Variants in RFX2 observed in about 807,000 individuals in gnomAD.
The protein encoded by RFX2 is regulatory factor X2, also known as DNA-binding protein RFX2.
In RFX2, 20 loss-of-function variants were observed where a neutral mutation model predicts 87.8. That is an observed-to-expected ratio of 0.23 (90% confidence interval 0.16 to 0.33). RFX2 has a LOEUF of 0.33. Ranked by LOEUF, RFX2 falls within the 10% of genes least tolerant of loss-of-function variation. The probability of loss-of-function intolerance (pLI) is 1.00; values close to 1 mark genes in which losing one functional copy is unlikely to be tolerated. For synonymous variants in RFX2, 397 were observed against 431.3 expected (o/e 0.92, Z 0.98); for missense variants, 767 against 1,012.3 (o/e 0.76, Z 3.29).
In RFX2 at chr19:6,074,275, C is replaced by T. The variant is rs2087653448; in HGVS notation, c.-8-26771G>A. On this transcript the variant is annotated intron_variant, in intron 1 of 17. Transcript: ENST00000303657. This position sits in a 1 kb window ranked among gnomAD's most constrained non-coding sequence, Gnocchi z 5.2. ...TGGAACATCAGGCGGGGTACAGATGCCACAGTGTGGAGGAAGCTCCTCCTC... is the reference window on the plus strand; with the variant it reads ...TGGAACATCAGGCGGGGTACAGATGTCACAGTGTGGAGGAAGCTCCTCCTC... 6.6e-6 allele frequency among the ~76,000 whole-genome samples: 1 copy of T among 152,158 alleles called. No homozygotes were observed. Among genetic ancestry groups the T allele is most frequent in the Non-Finnish European group, 1.5e-5 (1 of 68,034 alleles).
In RFX2 at chr19:6,110,040, T is replaced by C. The variant is rs2144927705; in HGVS notation, c.-9+353A>G. On this transcript the variant is annotated intron_variant, in intron 1 of 17. Transcript: ENST00000303657. The surrounding 1 kb of genome is among the most constrained non-coding windows in gnomAD (Gnocchi z 4.3). Reference sequence around the variant, plus strand: ...CCAAGCGCCCCCAATTCAGGGAGTTTGAGGAGTTTGAGAGACGTTCCCGGG... The same window carrying C: ...CCAAGCGCCCCCAATTCAGGGAGTTCGAGGAGTTTGAGAGACGTTCCCGGG... 6.6e-6 allele frequency among the ~76,000 whole-genome samples: 1 copy of C among 150,936 alleles called. No homozygotes were observed. Among genetic ancestry groups the C allele is most frequent in the East Asian group, 2.0e-4 (1 of 5,056 alleles).
Position 6,045,479 on chromosome 19 carries a change from T to C in RFX2, c.91-1197A>G, listed in dbSNP as rs549151570. ...ACAATTTCAAGTGGGCACGGAAACA[T>C]ATCAATTAGGCCACAACTGCTGGCA... On this transcript the variant is annotated intron_variant, in intron 2 of 17. Coordinates refer to ENST00000303657, the MANE Select transcript of RFX2 (RefSeq NM_000635.4). This position sits in a 1 kb window ranked among gnomAD's most constrained non-coding sequence, Gnocchi z 5.2. Among the ~76,000 whole-genome samples, 4 of 152,156 alleles carry C rather than the reference T, an allele frequency of 2.6e-5. No individual in the cohort carries two copies. In the South Asian group the frequency reaches 8.3e-4, roughly 32 times the overall value.
chr19:6,044,153 T>C lies in RFX2; in HGVS notation c.180+40A>G. 7.9e-7 allele frequency: 1 copy of C among 1,259,200 alleles called. No homozygotes were observed. The highest frequency in any genetic ancestry group is 1.1e-6 in the Non-Finnish European group (1 of 952,242). 78.0% of individuals were successfully genotyped at this position (1,259,200 alleles called of 1,614,324 possible). On this transcript the variant is annotated intron_variant, in intron 3 of 17. Coordinates refer to ENST00000303657, the MANE Select transcript of RFX2 (RefSeq NM_000635.4). This position sits in a 1 kb window ranked among gnomAD's most constrained non-coding sequence, Gnocchi z 5.3. ...TTGTTCTGGATTGCTGAGTGCTAAC[T>C]GCGCCCCGGTTTGCACGGTGCTGCG...
At position 6,094,080 on chromosome 19, in the gene RFX2, T is replaced by C. The variant is rs570535965; in HGVS notation, c.-9+16313A>G. 6.6e-5 allele frequency among the ~76,000 whole-genome samples: 10 copies of C among 152,246 alleles called. 1 individual carries two copies. Among genetic ancestry groups the C allele is most frequent in the Non-Finnish European group, 1.2e-4 (8 of 68,024 alleles). On this transcript the variant is annotated intron_variant, in intron 1 of 17. Coordinates refer to ENST00000303657, the MANE Select transcript of RFX2 (RefSeq NM_000635.4). ...TTGTACACATTAAGAGCCTGAATTCTGCGGCATGTGAATTACATCCCAATG... is the reference window on the plus strand; with the variant it reads ...TTGTACACATTAAGAGCCTGAATTCCGCGGCATGTGAATTACATCCCAATG...
chr19:6,020,439 C>T lies in RFX2; in HGVS notation c.598-4168G>A, dbSNP rs2086796035. 6.6e-6 allele frequency: 1 copy of T among 152,182 alleles called. No homozygotes were observed. The highest frequency in any genetic ancestry group is 1.5e-5 in the Non-Finnish European group (1 of 68,044). The allele number at this position is 152,182 out of a possible 1,614,324, so 9.4% of individuals were successfully genotyped here. A position where few individuals can be genotyped will look rare whatever the true frequency, so the allele number is the denominator to read the frequency against. On this transcript the variant is annotated intron_variant, in intron 6 of 17. Coordinates refer to ENST00000303657, the MANE Select transcript of RFX2 (RefSeq NM_000635.4). This position sits in a 1 kb window ranked among gnomAD's most constrained non-coding sequence, Gnocchi z 5.3. ...CTGGAACAGTCGCGTCTATTTCCTC[C>T]CTCTTCTGTGTTGATGAACTTCTGG... is the stretch of plus-strand genomic sequence containing the variant.
At position 6,101,651 on chromosome 19, in the gene RFX2, G is replaced by A. The variant is rs10423669; in HGVS notation, c.-9+8742C>T. On this transcript the variant is annotated intron_variant, in intron 1 of 17. Transcript: ENST00000303657. This position sits in a 1 kb window ranked among gnomAD's most constrained non-coding sequence, Gnocchi z 4.9. ...TTCAACAGTTTTCCAGGAGACAGGC[G>A]TTCATGAGTCAAGCCTTCTGCCTTT... Among the ~76,000 whole-genome samples the A allele has an allele frequency of 6.0e-3, 908 of 152,306 alleles. 11 individuals are homozygous for A. Among genetic ancestry groups the A allele is most frequent in the African/African-American group, 0.021 (855 of 41,544 alleles).
chr19:6,018,313 G>A (rs1470217120), intron 6 of RFX2, among the ~76,000 whole-genome samples: 1 of 152,130 alleles, frequency 6.6e-6, no homozygotes, highest in African/African-American at 2.4e-5. Context: ...TGGTTCTGAC[G>A]AGCCCTGCAC....
Position 6,002,993 on chromosome 19 carries a change from G to A in RFX2, c.1501-123C>T, listed in dbSNP as rs1023062006. ...GGAGGGAGCAGGAAACAGCAACCTG[G>A]GCAGGGAAGAGGGAACCTCCTGCTA... On this transcript the variant is annotated intron_variant, in intron 13 of 17. Transcript: ENST00000303657. The surrounding 1 kb of genome is among the most constrained non-coding windows in gnomAD (Gnocchi z 6.7). 1.8e-6 allele frequency: 2 copies of A among 1,131,780 alleles called. No homozygotes were observed. The highest frequency in any genetic ancestry group is 3.1e-5 in the African/African-American group (2 of 64,468). 70.1% of individuals were successfully genotyped at this position (1,131,780 alleles called of 1,614,324 possible).
At chr19:6,057,652 C>G (rs746451482) in intron 1 of RFX2, among the ~76,000 whole-genome samples, 1 of 152,184 alleles carries the variant, frequency 6.6e-6, no homozygotes, top group Non-Finnish European at 1.5e-5. Flanking sequence ...GCCATCAGCT[C>G]CTCCTCTCCT....
Position 6,016,123 on chromosome 19 carries a change from AAC to A in RFX2, c.744_745del (p.Phe249TyrfsTer154). 6.2e-7 allele frequency: 1 copy of A among 1,610,816 alleles called. No homozygotes were observed. Among genetic ancestry groups the A allele is most frequent in the South Asian group, 1.1e-5 (1 of 90,580 alleles). ...CAGCCGCCGCGTTCTCAGCCCCATA[AAC>A]ACAGAACGGATCAGTTTCCCGAAGG... On this transcript the variant is annotated frameshift_variant, in exon 7 of 18. Transcript: ENST00000303657. LOFTEE classifies it high-confidence loss of function. This position sits in a 1 kb window ranked among gnomAD's most constrained non-coding sequence, Gnocchi z 5.4.
intron 1 of RFX2, among the ~76,000 whole-genome samples, chr19:6,096,661 T>G (rs1244289826): frequency 6.6e-6 from 1 of 152,218 alleles, no homozygotes; most frequent in Non-Finnish European, 1.5e-5. Context: ...TTAGCCAGGA[T>G]GGTCTCGATC....
At chr19:6,106,138 G>T (rs1017238866) in intron 1 of RFX2, among the ~76,000 whole-genome samples, 17 of 151,936 alleles carry the variant, frequency 1.1e-4, no homozygotes, top group African/African-American at 4.1e-4. Flanking sequence ...TTTTTCCTGG[G>T]AGAATCCTTT....
chr19:6,095,660 A>G (rs1464447935), intron 1 of RFX2, among the ~76,000 whole-genome samples: 1 of 151,956 alleles, frequency 6.6e-6, no homozygotes, highest in Non-Finnish European at 1.5e-5. Context: ...AGCTGGGTGG[A>G]GCTCGGGGAA....
intron 1 of RFX2, among the ~76,000 whole-genome samples, chr19:6,104,174 C>G (rs1288058500): frequency 6.6e-6 from 1 of 152,144 alleles, no homozygotes; most frequent in Admixed American, 6.5e-5. Context: ...TTCCTTTCCT[C>G]TTTCCCCTGC....
rs1380332632 is a variant in RFX2, at chr19:6,013,241, A to G, written c.780-136T>C. ...CATTCTGTCGCCCAGGCTGGAGTAC[A>G]GCAGTGCCATCTCGGCTCACTGCAA... On this transcript the variant is annotated intron_variant, in intron 7 of 17. Transcript: ENST00000303657. This position sits in a 1 kb window ranked among gnomAD's most constrained non-coding sequence, Gnocchi z 4.1. 2.4e-6 allele frequency: 2 copies of G among 841,788 alleles called. No individual in the cohort carries two copies. The highest frequency in any genetic ancestry group is 3.4e-6 in the Non-Finnish European group (2 of 586,440). The allele number at this position is 841,788 out of a possible 1,614,324, so 52.1% of individuals were successfully genotyped here.
Position 6,010,795 on chromosome 19 carries a change from C to T in RFX2, c.900-544G>A, listed in dbSNP as rs2086650193. ...CTTGAGAAAATAGATATATATTTTC[C>T]CCCTAACATTTCTCTCTTAGAAAAA... is the stretch of plus-strand genomic sequence containing the variant. On this transcript the variant is annotated intron_variant, in intron 8 of 17. Transcript: ENST00000303657. The surrounding 1 kb of genome is among the most constrained non-coding windows in gnomAD (Gnocchi z 5.0). Among the ~76,000 whole-genome samples, 1 of 152,098 alleles carries T rather than the reference C, an allele frequency of 6.6e-6. No homozygotes were observed. Among genetic ancestry groups the T allele is most frequent in the East Asian group, 1.9e-4 (1 of 5,200 alleles).
At position 6,013,003 on chromosome 19, in the gene RFX2, G is replaced by A. The variant is rs1395157359; in HGVS notation, c.882C>T (p.Pro294=). The change falls in exon 8 of 18, where the codon CCC becomes CCT. Residue 294 remains proline (P), a synonymous_variant. Transcript: ENST00000303657. The surrounding 1 kb of genome is among the most constrained non-coding windows in gnomAD (Gnocchi z 4.1). ...GCACCCACCTGGGCTTCTGGTGCATGGGCTGCTGCCGCATGGCCATGTACT... is the reference window on the plus strand; with the variant it reads ...GCACCCACCTGGGCTTCTGGTGCATAGGCTGCTGCCGCATGGCCATGTACT... ...DTQYMAMRQQ[P]MHQKPRYRPA... 6.4e-7 allele frequency: 1 copy of A among 1,568,836 alleles called. No individual in the cohort carries two copies. Among genetic ancestry groups the A allele is most frequent in the East Asian group, 2.4e-5 (1 of 42,388 alleles).
Position 5,995,583 on chromosome 19 carries a change from A to C in RFX2, c.2056+18T>G, listed in dbSNP as rs1274292326. 6.4e-7 allele frequency: 1 copy of C among 1,551,668 alleles called. No homozygotes were observed. Among genetic ancestry groups the C allele is most frequent in the South Asian group, 1.2e-5 (1 of 84,074 alleles). ...CCTCCTGGGAGGGTCGTGGTGGGAAAGCCGCAGACGCACCTACCTTTGTCG... is the reference window on the plus strand; with the variant it reads ...CCTCCTGGGAGGGTCGTGGTGGGAACGCCGCAGACGCACCTACCTTTGTCG... On this transcript the variant is annotated intron_variant, in intron 17 of 17. Transcript: ENST00000303657.
rs1030882366 is a variant in RFX2, at chr19:6,045,839, T to TTTA, written c.91-1560_91-1558dup. On this transcript the variant is annotated intron_variant, in intron 2 of 17. Coordinates refer to ENST00000303657, the MANE Select transcript of RFX2 (RefSeq NM_000635.4). This position sits in a 1 kb window ranked among gnomAD's most constrained non-coding sequence, Gnocchi z 5.2. Reference sequence around the variant, plus strand: ...AGCATGTGCCACAATGCTCGGCTAATTTATTATTATTATTATTTTTTGTAT... The same window carrying TTTA: ...AGCATGTGCCACAATGCTCGGCTAATTTATTATTATTATTATTATTTTTTGTAT... Among the ~76,000 whole-genome samples, 161 of 151,934 alleles carry TTTA rather than the reference T, an allele frequency of 1.1e-3. 1 individual carries two copies. Among genetic ancestry groups the TTTA allele is most frequent in the African/African-American group, 3.6e-3 (150 of 41,426 alleles).
Sources: allele counts gnomAD v4.1 joint callset (sites outside exome capture counted in the v4.1 genomes callset), GRCh38; gene constraint gnomAD v4.1.1; non-coding constraint Gnocchi (gnomAD v3.1); transcripts MANE v1.5; gene names NCBI Gene and HGNC (gene_info 2026-07-23, HGNC 2026-07-21).